The following PODXL variants were observed in gnomAD, a reference collection of about 807,000 sequenced individuals.
The protein encoded by PODXL is podocalyxin.
In PODXL, 20 loss-of-function variants were observed where a neutral mutation model predicts 48.9. That is an observed-to-expected ratio of 0.41 (90% confidence interval 0.29 to 0.59). PODXL has a LOEUF of 0.59. PODXL is among the 20% of genes least tolerant of loss of function. The probability of loss-of-function intolerance (pLI) is 0.31; values close to 1 mark genes in which losing one functional copy is unlikely to be tolerated. For synonymous variants in PODXL, 295 were observed against 287.4 expected, an observed-to-expected ratio of 1.03 and a Z score of -0.27; for missense variants, 606 against 675.1, an observed-to-expected ratio of 0.90 and a Z score of 1.13.
At chr7:131,550,700 G>A (rs1434834252) in intron 1 of PODXL, among the ~76,000 whole-genome samples, 7 of 152,144 alleles carry the variant, frequency 4.6e-5, no homozygotes, top group Non-Finnish European at 8.8e-5. Context: ...CCAATTCCCA[G>A]GAGGGAATCA....
At chr7:131,554,967 G>A (rs1167854395) in intron 1 of PODXL, among the ~76,000 whole-genome samples, 1 of 152,104 alleles carries the variant, frequency 6.6e-6, no homozygotes, top group African/African-American at 2.4e-5. Flanking sequence ...CTCTTCCAGG[G>A]ACACACATTC....
At chr7:131,515,669 CAGGGATTACAG>C (rs1335940400) in intron 1 of PODXL, among the ~76,000 whole-genome samples, 2 of 152,148 alleles carry the variant, frequency 1.3e-5, no homozygotes, top group Non-Finnish European at 2.9e-5. Flanking sequence ...TCCCAAAGTG[CAGGGATTACAG>C]ACGTGAGCCA....
intron 1 of PODXL, among the ~76,000 whole-genome samples, chr7:131,547,443 A>G (rs541176970): frequency 2.0e-5 from 3 of 151,338 alleles, no homozygotes; most frequent in South Asian, 4.2e-4. Flanking sequence ...CACCACCTAC[A>G]TGATCCTATT....
chr7:131,544,661 ACGCACGCCCTGTACTAC>A (rs1406887393), intron 1 of PODXL, among the ~76,000 whole-genome samples: 1 of 36,924 alleles, frequency 2.7e-5, no homozygotes, highest in East Asian at 1.7e-3. Context: ...TGTACTACGC[ACGCACGCCCTGTACTAC>A]GCTTGGCAGT....
At chr7:131,505,717 T>TGCCTC (rs1221690896) in intron 8 of PODXL, 151 bp downstream of exon 8, 1 of 655,254 alleles carries the variant, frequency 1.5e-6, no homozygotes, top group Non-Finnish European at 2.6e-6. Context: ...CTCTGTGGAC[T>TGCCTC]GAGGCGGCTG....
chr7:131,540,461 C>A (rs1440986092), intron 1 of PODXL, among the ~76,000 whole-genome samples: 1 of 151,924 alleles, frequency 6.6e-6, no homozygotes, highest in Non-Finnish European at 1.5e-5. Context: ...TCTACCCTGC[C>A]CCCGCCCCCC....
At chr7:131,507,243 C>T (rs1453991356) in intron 5 of PODXL, among the ~76,000 whole-genome samples, 3 of 152,354 alleles carry the variant, frequency 2.0e-5, no homozygotes, top group Admixed American at 6.5e-5. Context: ...AATACATGTG[C>T]CCTTGCCCTA....
intron 1 of PODXL, among the ~76,000 whole-genome samples, chr7:131,537,819 C>T (rs1353270463): frequency 2.0e-5 from 3 of 152,046 alleles, no homozygotes; most frequent in Non-Finnish European, 2.9e-5. Flanking sequence ...GGCATCACAC[C>T]GTCGTGACTC....
chr7:131,552,199 C>T (rs982976452), intron 1 of PODXL, among the ~76,000 whole-genome samples: 19 of 152,272 alleles, frequency 1.2e-4, no homozygotes, highest in Admixed American at 5.9e-4. Flanking sequence ...GACCGCTCAG[C>T]GCTGGGTGCT....
chr7:131,507,988 G>A (rs1797838118), intron 5 of PODXL, among the ~76,000 whole-genome samples: 2 of 152,220 alleles, frequency 1.3e-5, no homozygotes, highest in South Asian at 4.1e-4. Flanking sequence ...CCGTGTTCAG[G>A]TCTGTTCTAG....
chr7:131,520,391 G>A lies in PODXL; in HGVS notation c.101-8958C>T, dbSNP rs372675760. On this transcript the variant is annotated intron_variant, in intron 1 of 8. Coordinates refer to ENST00000378555, the MANE Select transcript of PODXL (RefSeq NM_001018111.3). ...GAATGTCCCATACCTATCCCTGTGC[G>A]GTTGTCCAGGAAACAGAATGAGGAT... is the stretch of plus-strand genomic sequence containing the variant. 165 of 396,792 alleles carry A rather than the reference G, an allele frequency of 4.2e-4. 2 individuals carry two copies. The highest frequency in any genetic ancestry group is 1.0e-3 in the South Asian group (44 of 42,746). The allele number at this position is 396,792 out of a possible 1,614,324, so 24.6% of individuals were successfully genotyped here.
Position 131,511,389 on chromosome 7 carries a change from G to C in PODXL, c.145C>G (p.Pro49Ala). 1.2e-6 allele frequency: 2 copies of C among 1,604,892 alleles called. No homozygotes were observed. The highest frequency in any genetic ancestry group is 1.7e-6 in the Non-Finnish European group (2 of 1,179,896). Residue 49 changes from proline to alanine, a missense_variant, in exon 2 of 9, where the codon CCA becomes GCA. Transcript: ENST00000378555. ...TDSSNKTAPTPASSVTIMATD... is the reference protein window; with the variant it reads ...TDSSNKTAPTAASSVTIMATD... ...GCCATGATGGTGACACTGGATGCTG[G>C]AGTCGGTGCTGTTTTGTTAGATGAG...
intron 1 of PODXL, among the ~76,000 whole-genome samples, chr7:131,519,738 T>A (rs1300068660): frequency 1.3e-5 from 2 of 152,198 alleles, no homozygotes; most frequent in African/African-American, 4.8e-5. Context: ...TTCTTTTTTT[T>A]ATTTTTTTGA....
At chr7:131,523,560 TAATCTCAGC>T (rs1798122709) in intron 1 of PODXL, among the ~76,000 whole-genome samples, 1 of 149,920 alleles carries the variant, frequency 6.7e-6, no homozygotes, top group Non-Finnish European at 1.5e-5. Context: ...CGGGCACCTG[TAATCTCAGC>T]TACTTGGGAG....
intron 1 of PODXL, among the ~76,000 whole-genome samples, chr7:131,535,044 T>C (rs7781389): frequency 0.058 from 8,882 of 152,102 alleles, 348 homozygotes; most frequent in East Asian, 0.22. Context: ...AAAGCAAGAC[T>C]CTATCTCAAA....
intron 8 of PODXL, among the ~76,000 whole-genome samples, 173 bp from the exon 9 acceptor site, chr7:131,504,681 G>A (rs1329297924): frequency 6.6e-6 from 1 of 152,106 alleles, no homozygotes; most frequent in Non-Finnish European, 1.5e-5. Context: ...CAGCCTGCCC[G>A]GAACTAGTTG....
At chr7:131,540,625 C>T (rs188688417) in intron 1 of PODXL, among the ~76,000 whole-genome samples, 6 of 152,270 alleles carry the variant, frequency 3.9e-5, no homozygotes, top group Admixed American at 3.9e-4. Context: ...ATTTGGCACA[C>T]AACTCTTCCC....
intron 1 of PODXL, among the ~76,000 whole-genome samples, chr7:131,511,670 G>A (rs912647189): frequency 3.3e-5 from 5 of 152,008 alleles, no homozygotes; most frequent in African/African-American, 1.2e-4. Flanking sequence ...TGCCCAGGCA[G>A]GTCTTGAACT....
intron 1 of PODXL, among the ~76,000 whole-genome samples, chr7:131,528,351 A>G (rs11977917): frequency 0.093 from 14,204 of 152,206 alleles, 784 homozygotes; most frequent in African/African-American, 0.15. Flanking sequence ...AAAAAAGGAG[A>G]AGGGAGTATT....
Sources: allele counts gnomAD v4.1 joint callset (sites outside exome capture counted in the v4.1 genomes callset), GRCh38; gene constraint gnomAD v4.1.1; transcripts MANE v1.5; gene names NCBI Gene and HGNC (gene_info 2026-07-23, HGNC 2026-07-21).